Variants in PSKH1 observed in about 807,000 individuals in gnomAD.
The protein encoded by PSKH1 is protein serine kinase H1, also known as serine/threonine-protein kinase H1.
A neutral mutation model predicts 26.7 loss-of-function variants in PSKH1; 12 were observed. The ratio of observed to expected loss-of-function variants is 0.45; its 90% CI spans 0.29 to 0.73. The LOEUF is 0.73. PSKH1 is among the 30% of genes least tolerant of loss of function. PSKH1 has a pLI of 0.11. For missense variants in PSKH1, 431 were observed against 595.2 expected, an observed-to-expected ratio of 0.72 and a Z score of 2.87; for synonymous variants, 213 against 234.3, an observed-to-expected ratio of 0.91 and a Z score of 0.83.
chr16:67,914,108 A>G lies in PSKH1; in HGVS notation c.957+4402A>G, dbSNP rs113213316. 9.7e-3 allele frequency among the ~76,000 whole-genome samples: 1,478 copies of G among 152,246 alleles called. 22 individuals are homozygous for G. The highest frequency in any genetic ancestry group is 0.033 in the African/African-American group (1,379 of 41,542). On this transcript the variant is annotated intron_variant, in intron 2 of 2. Transcript: ENST00000291041. ...GGTACTTGGGAAGTTCAGTTGTCCT[A>G]ATAGCAGGCTCTGGAGAACCACGTG...
intron 2 of PSKH1, among the ~76,000 whole-genome samples, chr16:67,913,784 G>C (rs1042063311): frequency 2.6e-5 from 4 of 152,212 alleles, no homozygotes; most frequent in African/African-American, 9.7e-5. Context: ...GGTCTAGGTA[G>C]GGCCTGAGGG....
chr16:67,918,215 C>T (rs1401348089), intron 2 of PSKH1, among the ~76,000 whole-genome samples: 6 of 152,274 alleles, frequency 3.9e-5, no homozygotes, highest in Non-Finnish European at 4.4e-5. Context: ...AGAGGCAGGA[C>T]GGATGAAGGG....
chr16:67,909,127 C>G lies in PSKH1; in HGVS notation c.378C>G (p.Ile126Met), dbSNP rs151268578. The G allele has an allele frequency of 1.2e-5, 19 of 1,614,040 alleles. No homozygotes were observed. Among genetic ancestry groups the G allele is most frequent in the Non-Finnish European group, 1.4e-5 (16 of 1,180,038 alleles). ...GGGCAACCCGGCAGCCGTATGCCAT[C>G]AAGATGATTGAGACCAAGTACCGGG... ...EHRATRQPYA[I>M]KMIETKYREG... The change falls in exon 2 of 3, where the codon ATC becomes ATG. Residue 126 changes from isoleucine to methionine, a missense_variant. Transcript: ENST00000291041. The surrounding 1 kb of genome is among the most constrained non-coding windows in gnomAD (Gnocchi z 7.8).
chr16:67,909,184 T>C lies in PSKH1; in HGVS notation c.435T>C (p.Arg145=), dbSNP rs774126869. The C allele has an allele frequency of 1.2e-6, 2 of 1,614,070 alleles. No homozygotes were observed. Among genetic ancestry groups the C allele is most frequent in the South Asian group, 1.1e-5 (1 of 91,070 alleles). The change falls in exon 2 of 3, where the codon CGT becomes CGC. Residue 145 remains arginine, a synonymous_variant. Coordinates refer to ENST00000291041, the MANE Select transcript of PSKH1 (RefSeq NM_006742.3). This position sits in a 1 kb window ranked among gnomAD's most constrained non-coding sequence, Gnocchi z 7.8. ...GGGAGGTGTGTGAGTCGGAGCTGCG[T>C]GTGCTGCGTCGGGTGCGTCATGCCA... is the stretch of plus-strand genomic sequence containing the variant. ...EGREVCESEL[R]VLRRVRHANI... is the part of the protein sequence containing the mutation.
chr16:67,916,914 C>T (rs1277706238), intron 2 of PSKH1, among the ~76,000 whole-genome samples: 1 of 152,118 alleles, frequency 6.6e-6, no homozygotes, highest in Non-Finnish European at 1.5e-5. Flanking sequence ...CATCCTGGCA[C>T]TCCAGATCCC....
chr16:67,920,191 T>A (rs1172266055), intron 2 of PSKH1, among the ~76,000 whole-genome samples: 1 of 152,254 alleles, frequency 6.6e-6, no homozygotes, highest in African/African-American at 2.4e-5. Context: ...CTGTCGCTTC[T>A]GGGCCCTCAA....
At chr16:67,897,314 C>A (rs1403579691) in intron 1 of PSKH1, among the ~76,000 whole-genome samples, 1 of 152,218 alleles carries the variant, frequency 6.6e-6, no homozygotes, top group African/African-American at 2.4e-5. Context: ...AGGAATCTTA[C>A]TCAAGGAGCA....
At position 67,909,813 on chromosome 16, in the gene PSKH1, G is replaced by A. The variant is rs1445955793; in HGVS notation, c.957+107G>A. The A allele has an allele frequency of 1.9e-6, 2 of 1,038,142 alleles. No homozygotes were observed. Among genetic ancestry groups the A allele is most frequent in the South Asian group, 1.5e-5 (1 of 66,786 alleles). The allele number at this position is 1,038,142 out of a possible 1,614,324, so 64.3% of individuals were successfully genotyped here. On this transcript the variant is annotated intron_variant, in intron 2 of 2. Transcript: ENST00000291041. The surrounding 1 kb of genome is among the most constrained non-coding windows in gnomAD (Gnocchi z 7.8). ...ATGTCCTCAGGGCCATGCTCGTGAG[G>A]GCCAGGCAGGTCATATAAAAGGGAC...
At chr16:67,899,682 C>A (rs2058136602) in intron 1 of PSKH1, among the ~76,000 whole-genome samples, 1 of 151,250 alleles carries the variant, frequency 6.6e-6, no homozygotes, top group Non-Finnish European at 1.5e-5. Context: ...GAGTCCTGCT[C>A]TGTTGCCCAG....
intron 1 of PSKH1, among the ~76,000 whole-genome samples, chr16:67,895,477 C>T (rs1317555462): frequency 3.3e-5 from 5 of 149,596 alleles, no homozygotes; most frequent in Non-Finnish European, 3.0e-5. Flanking sequence ...GGTGCGATCT[C>T]GGCTCACTGC....
intron 2 of PSKH1, among the ~76,000 whole-genome samples, chr16:67,915,840 T>C (rs2058186408): frequency 6.6e-6 from 1 of 152,174 alleles, no homozygotes; most frequent in Non-Finnish European, 1.5e-5. Context: ...TCCTGGCCAC[T>C]GCCCACCCAC....
chr16:67,896,766 CAT>C (rs2058127744), intron 1 of PSKH1, among the ~76,000 whole-genome samples: 1 of 152,004 alleles, frequency 6.6e-6, no homozygotes, highest in African/African-American at 2.4e-5. Context: ...GCTGAATAAG[CAT>C]ATTGTCTAGG....
Position 67,926,992 on chromosome 16 carries a change from C to CT in PSKH1, c.958-332dup, listed in dbSNP as rs551776665. On this transcript the variant is annotated intron_variant, in intron 2 of 2. Transcript: ENST00000291041. The stretch of plus-strand genomic sequence containing the variant: ...GTGGTGGGAAAGTTTGAATCATTCT[C>CT]TAACAGTCCCCTGAGTTATGATACT... Among the ~76,000 whole-genome samples, 15 of 152,312 alleles carry CT rather than the reference C, an allele frequency of 9.8e-5. No individual in the cohort carries two copies. The East Asian group carries it at 2.1e-3, about 22-fold the overall frequency.
Position 67,902,116 on chromosome 16 carries a change from C to G in PSKH1, c.-70-6564C>G, listed in dbSNP as rs149703024. 3.3e-3 allele frequency among the ~76,000 whole-genome samples: 504 copies of G among 151,958 alleles called. 2 individuals carry two copies. The highest frequency in any genetic ancestry group is 0.02 in the Middle Eastern group (6 of 294). Reference sequence around the variant, plus strand: ...CTCTACTAAAAATACAAAAATTAACCAAGCATGGTGGCACATGCCTGTAGT... The same window carrying G: ...CTCTACTAAAAATACAAAAATTAACGAAGCATGGTGGCACATGCCTGTAGT... On this transcript the variant is annotated intron_variant, in intron 1 of 2. Coordinates refer to ENST00000291041, the MANE Select transcript of PSKH1 (RefSeq NM_006742.3).
intron 2 of PSKH1, among the ~76,000 whole-genome samples, chr16:67,912,018 G>A (rs912907999): frequency 6.6e-6 from 1 of 152,202 alleles, no homozygotes; most frequent in African/African-American, 2.4e-5. Context: ...GGATCTGTGG[G>A]CCTAGGGGTG....
intron 1 of PSKH1, among the ~76,000 whole-genome samples, chr16:67,907,536 C>T (rs992837313): frequency 6.6e-6 from 1 of 152,208 alleles, no homozygotes; most frequent in South Asian, 2.1e-4. Context: ...GATGGGATTA[C>T]AGGCATGAGC....
rs756219453 is a variant in PSKH1 at position 67,909,822 on chromosome 16, G to T, written c.957+116G>T. 1 of 982,884 alleles carries T rather than the reference G, an allele frequency of 1.0e-6. No individual in the cohort carries two copies. 60.9% of individuals were successfully genotyped at this position (982,884 alleles called of 1,614,324 possible). On this transcript the variant is annotated intron_variant, in intron 2 of 2. Coordinates refer to ENST00000291041, the MANE Select transcript of PSKH1 (RefSeq NM_006742.3). The surrounding 1 kb of genome is among the most constrained non-coding windows in gnomAD (Gnocchi z 7.8). ...GGGCCATGCTCGTGAGGGCCAGGCA[G>T]GTCATATAAAAGGGACAAAGTGAGA...
intron 1 of PSKH1, among the ~76,000 whole-genome samples, chr16:67,896,535 C>T (rs187758347): frequency 1.1e-4 from 9 of 80,956 alleles, no homozygotes; most frequent in South Asian, 7.9e-4. Flanking sequence ...TAGTGTGCTT[C>T]TTTTTTTTTT....
chr16:67,906,255 A>T (rs1034903022), intron 1 of PSKH1, among the ~76,000 whole-genome samples: 4 of 151,938 alleles, frequency 2.6e-5, no homozygotes, highest in African/African-American at 9.7e-5. Context: ...TATTTTTAGT[A>T]GAGACAGGGT....
Sources: gnomAD v4.1 joint callset for allele counts (sites outside exome capture counted in the v4.1 genomes callset) on GRCh38, gnomAD v4.1.1 for gene constraint, Gnocchi (gnomAD v3.1) non-coding constraint, MANE v1.5 for transcripts, NCBI Gene and HGNC (gene_info 2026-07-23, HGNC 2026-07-21) for gene names.